PJA2: variants seen among roughly 807,000 people sequenced by gnomAD.
PJA2 encodes praja ring finger ubiquitin ligase 2, also known as E3 ubiquitin-protein ligase Praja-2.
PJA2 carries 25 observed loss-of-function variants against 69.3 expected under a neutral mutation model. The ratio of observed to expected loss-of-function variants is 0.36; its 90% confidence interval spans 0.26 to 0.50. The LOEUF is 0.50. Among genes scored for constraint, PJA2 ranks in the 20% least tolerant of loss-of-function variants. PJA2 has a pLI of 0.96. For synonymous variants in PJA2, 308 were observed against 277.8 expected (o/e 1.11, Z -1.08); for missense variants, 809 against 830.2 (o/e 0.97, Z 0.31).
At position 109,379,231 on chromosome 5, in the gene PJA2, C is replaced by G; in HGVS notation, c.256G>C (p.Asp86His). 1 of 1,610,690 alleles carries G rather than the reference C, an allele frequency of 6.2e-7. No individual in the cohort carries two copies. The highest frequency in any genetic ancestry group is 8.5e-7 in the Non-Finnish European group (1 of 1,178,598). Residue 86 changes from aspartate (D) to histidine (H), a missense_variant, in exon 4 of 10, where the codon GAT (aspartate) becomes CAT (histidine). By Grantham distance (81) the Asp-to-His change is moderately conservative. Coordinates refer to ENST00000361189, the MANE Select transcript of PJA2 (RefSeq NM_014819.5). The stretch of plus-strand genomic sequence containing the variant: ...ATAGGTTCACTGGGTAAAGAAGAAT[C>G]AACTTGATCCAAAGGACTGGAACCT... ...SSGSSPLDQV[D>H]SSLPSEPIFE...
At chr5:109,408,291 C>T (rs760955291) in intron 1 of PJA2, among the ~76,000 whole-genome samples, 5 of 151,956 alleles carry the variant, frequency 3.3e-5, no homozygotes, top group Non-Finnish European at 7.4e-5. Flanking sequence ...AAACATCGAT[C>T]AATAAATTAG....
intron 1 of PJA2, among the ~76,000 whole-genome samples, chr5:109,393,542 G>A (rs1243409985): frequency 6.6e-6 from 1 of 152,042 alleles, no homozygotes; most frequent in Non-Finnish European, 1.5e-5. Context: ...GGCTGTTGAG[G>A]GTGACTGCCC....
chr5:109,409,584 G>A (rs1034410502), intron 1 of PJA2, among the ~76,000 whole-genome samples: 1 of 152,120 alleles, frequency 6.6e-6, no homozygotes, highest in African/African-American at 2.4e-5. Context: ...ATCTGTCGGG[G>A]GGCGGCGGGC....
chr5:109,395,129 C>A (rs185562248), intron 1 of PJA2, among the ~76,000 whole-genome samples: 1 of 152,150 alleles, frequency 6.6e-6, no homozygotes, highest in Non-Finnish European at 1.5e-5. Flanking sequence ...CAACCCAGGT[C>A]AGAATTCTCA....
intron 7 of PJA2, among the ~76,000 whole-genome samples, chr5:109,348,492 C>G (rs1307071019): frequency 6.6e-6 from 1 of 152,160 alleles, no homozygotes; most frequent in Non-Finnish European, 1.5e-5. Context: ...TGACTGAACT[C>G]TGAGGAAACT....
At chr5:109,404,712 T>C (rs1233319499) in intron 1 of PJA2, among the ~76,000 whole-genome samples, 1 of 151,952 alleles carries the variant, frequency 6.6e-6, no homozygotes, top group Non-Finnish European at 1.5e-5. Flanking sequence ...AGCACACGAA[T>C]CCATTAATGA....
At chr5:109,404,525 G>GAAATAA (rs1747637149) in intron 1 of PJA2, among the ~76,000 whole-genome samples, 1 of 151,966 alleles carries the variant, frequency 6.6e-6, no homozygotes, top group Non-Finnish European at 1.5e-5. Context: ...AAAAAAAATA[G>GAAATAA]AAATAAAAAT....
intron 1 of PJA2, among the ~76,000 whole-genome samples, chr5:109,403,671 G>A (rs1002150384): frequency 2.7e-5 from 4 of 150,382 alleles, no homozygotes; most frequent in African/African-American, 9.8e-5. Context: ...ATAAGTTAAC[G>A]TAATTCATCA....
At chr5:109,390,172 C>T (rs1375886751) in intron 1 of PJA2, among the ~76,000 whole-genome samples, 1 of 151,860 alleles carries the variant, frequency 6.6e-6, no homozygotes, top group Non-Finnish European at 1.5e-5. Context: ...ATTGTTCTAC[C>T]AGTTACTTTG....
intron 1 of PJA2, among the ~76,000 whole-genome samples, chr5:109,396,704 G>T (rs1234753160): frequency 7.0e-6 from 1 of 142,402 alleles, no homozygotes; most frequent in Non-Finnish European, 1.5e-5. Context: ...GGATTACGGG[G>T]ATGAGCACCG....
Position 109,378,525 on chromosome 5 carries a change from A to T in PJA2, c.962T>A (p.Leu321Gln). The change falls in exon 4 of 10, where the codon CTG becomes CAG. Residue 321 changes from leucine to glutamine, a missense_variant. Leu to Gln is a moderately radical substitution (Grantham distance 113). This residue lies in a region of PJA2 where 700 missense variants were observed against 639.5 expected (regional missense o/e 1.09). Coordinates refer to ENST00000361189, the MANE Select transcript of PJA2 (RefSeq NM_014819.5). ...EQVVRPKVRKLISSSQVDQET... is the reference protein window; with the variant it reads ...EQVVRPKVRKQISSSQVDQET... ...TTGGTCCACCTGGCTTGAACTTATC[A>T]GTTTTCTAACTTTTGGCCTCACTAC... 2 of 1,614,042 alleles carry T rather than the reference A, an allele frequency of 1.2e-6. No homozygotes were observed. The highest frequency in any genetic ancestry group is 1.7e-6 in the Non-Finnish European group (2 of 1,179,998).
chr5:109,390,470 A>G (rs1747257785), intron 1 of PJA2, among the ~76,000 whole-genome samples: 1 of 151,976 alleles, frequency 6.6e-6, no homozygotes, highest in African/African-American at 2.4e-5. Flanking sequence ...CTTTACTTGT[A>G]AAGTGCTTTT....
chr5:109,352,644 A>T (rs1022618113), intron 7 of PJA2, among the ~76,000 whole-genome samples: 1 of 152,080 alleles, frequency 6.6e-6, no homozygotes, highest in African/African-American at 2.4e-5. Flanking sequence ...CACTCACCAT[A>T]AAGCGTAATT....
intron 7 of PJA2, among the ~76,000 whole-genome samples, chr5:109,351,835 GTTTTT>G (rs1762258268): frequency 1.3e-5 from 2 of 152,022 alleles, no homozygotes; most frequent in African/African-American, 4.8e-5. Flanking sequence ...AGTTTGTTTT[GTTTTT>G]GTTTCATTTA....
intron 9 of PJA2, among the ~76,000 whole-genome samples, chr5:109,342,591 G>A (rs1267827141): frequency 3.6e-4 from 31 of 85,474 alleles, no homozygotes; most frequent in African/African-American, 3.6e-4. Context: ...CTGCCCGGCC[G>A]CCCCTACTGG....
At chr5:109,377,927 T>C (rs1746930032) in intron 4 of PJA2, among the ~76,000 whole-genome samples, 1 of 152,144 alleles carries the variant, frequency 6.6e-6, no homozygotes, top group African/African-American at 2.4e-5. Context: ...ATTTTATTAA[T>C]TGAAATACCA....
chr5:109,345,190 A>AG (rs1383571396), intron 7 of PJA2, among the ~76,000 whole-genome samples: 1 of 151,288 alleles, frequency 6.6e-6, no homozygotes, highest in East Asian at 1.9e-4. Context: ...TAAAAAAAAA[A>AG]AAAAAAAAAA....
chr5:109,338,598 T>G (rs1040151586), intron 9 of PJA2, among the ~76,000 whole-genome samples: 1 of 139,876 alleles, frequency 7.1e-6, no homozygotes. Context: ...GACAGCACCA[T>G]TGCACTCCAG....
In PJA2 at chr5:109,378,337, T is replaced by C. The variant is rs1415472375; in HGVS notation, c.1150A>G (p.Ile384Val). 2 of 1,614,072 alleles carry C rather than the reference T, an allele frequency of 1.2e-6. No individual in the cohort carries two copies. Among genetic ancestry groups the C allele is most frequent in the African/African-American group, 1.3e-5 (1 of 74,938 alleles). ...MFLDPPYSRV[I>V]TQRETENNQM... is the part of the protein sequence containing the mutation. ...TTATTTTCTGTTTCCCTTTGTGTAATAACTCTTGAGTATGGTGGATCCAAG... is the reference window on the plus strand; with the variant it reads ...TTATTTTCTGTTTCCCTTTGTGTAACAACTCTTGAGTATGGTGGATCCAAG... The change falls in exon 4 of 10, where the codon ATT becomes GTT. Residue 384 changes from isoleucine (I) to valine (V), a missense_variant. Ile to Val is a conservative substitution (Grantham distance 29). Transcript: ENST00000361189.
Sources: allele counts gnomAD v4.1 joint callset (sites outside exome capture counted in the v4.1 genomes callset), GRCh38; gene constraint gnomAD v4.1.1; regional missense constraint gnomAD v4.1.1; transcripts MANE v1.5; gene names NCBI Gene and HGNC (gene_info 2026-07-23, HGNC 2026-07-21).